STAP2: variants seen among roughly 807,000 people sequenced by gnomAD.
The protein encoded by STAP2 is signal-transducing adaptor protein 2.
In STAP2, 58 loss-of-function variants were observed where a neutral mutation model predicts 52.7. The observed-to-expected ratio is 1.10, with a 90% CI of 0.89 to 1.37. STAP2 has a LOEUF of 1.37. Ranked by LOEUF, STAP2 falls within the 40% of genes most tolerant of loss-of-function variation. The pLI is 0.00. For missense variants in STAP2, 522 were observed against 519.4 expected (o/e 1.00, Z -0.05); for synonymous variants, 231 against 210.5 (o/e 1.10, Z -0.84).
intron 9 of STAP2, 41 bp from the exon 10 acceptor site, chr19:4,325,586 C>G: frequency 1.3e-6 from 2 of 1,532,532 alleles, no homozygotes; most frequent in Non-Finnish European, 1.7e-6. Flanking sequence ...CCATGTCATA[C>G]AGGGACACCT....
At position 4,338,792 on chromosome 19, in the gene STAP2, T is replaced by G. The variant is rs1445875170; in HGVS notation, c.-39A>C. ...TCTTCCGCCTGGCCTCTCCTTCCAGTGGGTGCCCCAGCTGGGCCGGGAAGC... is the reference window on the plus strand; with the variant it reads ...TCTTCCGCCTGGCCTCTCCTTCCAGGGGGTGCCCCAGCTGGGCCGGGAAGC... On this transcript the variant is annotated 5_prime_UTR_variant, in exon 1 of 13. Transcript: ENST00000594605. 1 of 1,587,016 alleles carries G rather than the reference T, an allele frequency of 6.3e-7. No individual in the cohort carries two copies. Among genetic ancestry groups the G allele is most frequent in the Non-Finnish European group, 8.6e-7 (1 of 1,162,782 alleles).
At position 4,325,496 on chromosome 19, in the gene STAP2, G is replaced by T; in HGVS notation, c.879C>A (p.Ser293Arg). Reference sequence around the variant, plus strand: ...GGGGCAGTGGGGGCAGCTTGTCCTGGCTAGACGCAGGTGACAGCGGCTTGG... The same window carrying T: ...GGGGCAGTGGGGGCAGCTTGTCCTGTCTAGACGCAGGTGACAGCGGCTTGG... ...GGPKPLSPAS[S>R]QDKLPPLPPL... The change falls in exon 10 of 13, where the codon AGC becomes AGA. Residue 293 changes from serine (S) to arginine (R), a missense_variant. Transcript: ENST00000594605. 1.9e-6 allele frequency: 3 copies of T among 1,612,412 alleles called. No individual in the cohort carries two copies. The highest frequency in any genetic ancestry group is 1.1e-5 in the South Asian group (1 of 90,762).
chr19:4,336,442 C>G (rs933743614), intron 1 of STAP2, among the ~76,000 whole-genome samples: 3 of 151,298 alleles, frequency 2.0e-5, no homozygotes, highest in Admixed American at 6.6e-5. Flanking sequence ...CTCAGCCTCC[C>G]GAGTAGCTGG....
rs778307494 is a variant in STAP2 at position 4,330,079 on chromosome 19, GACAGTGACT to G, written c.355-27_355-19del. 5 of 1,603,882 alleles carry G rather than the reference GACAGTGACT, an allele frequency of 3.1e-6. No homozygotes were observed. Among genetic ancestry groups the G allele is most frequent in the African/African-American group, 1.3e-5 (1 of 74,734 alleles). On this transcript the variant is annotated intron_variant, in intron 4 of 12. Coordinates refer to ENST00000594605, the MANE Select transcript of STAP2 (RefSeq NM_001013841.2). ...ACACGGAGCTGAGGGGCGATCGAGGGACAGTGACTGCACCTGGCCAGCCGGGAATGGACG... is the reference window on the plus strand; with the variant it reads ...ACACGGAGCTGAGGGGCGATCGAGGGGCACCTGGCCAGCCGGGAATGGACG...
chr19:4,338,671 T>A lies in STAP2; in HGVS notation c.83A>T (p.Lys28Met). Reference sequence around the variant, plus strand: ...CCTTACCCGGTCACAGGGCCCCTTCTTCTCTAGAAAGCTCTCATAGTAGTG... The same window carrying A: ...CCTTACCCGGTCACAGGGCCCCTTCATCTCTAGAAAGCTCTCATAGTAGTG... ...PSHYYESFLE[K>M]KGPCDRDYKK... is the part of the protein sequence containing the mutation. The change falls in exon 1 of 13, where the codon AAG becomes ATG. Residue 28 changes from lysine (K) to methionine (M), a missense_variant. Transcript: ENST00000594605. 5.0e-6 allele frequency: 8 copies of A among 1,609,586 alleles called. No individual in the cohort carries two copies. The highest frequency in any genetic ancestry group is 5.9e-6 in the Non-Finnish European group (7 of 1,177,322).
rs181219344 is a variant in STAP2 at position 4,324,320 on chromosome 19, C to T, written c.1148-123G>A. Reference sequence around the variant, plus strand: ...GCCCCGTGCAACAGGACAGTGTGCTCGAAGGCATTAAGAATTTCAAGACAG... The same window carrying T: ...GCCCCGTGCAACAGGACAGTGTGCTTGAAGGCATTAAGAATTTCAAGACAG... On this transcript the variant is annotated intron_variant, in intron 12 of 12. Coordinates refer to ENST00000594605, the MANE Select transcript of STAP2 (RefSeq NM_001013841.2). 973 of 1,299,012 alleles carry T rather than the reference C, an allele frequency of 7.5e-4. 2 individuals are homozygous for T. Among genetic ancestry groups the T allele is most frequent in the Non-Finnish European group, 8.8e-4 (820 of 932,040 alleles). The allele number at this position is 1,299,012 out of a possible 1,614,324, so 80.5% of individuals were successfully genotyped here. A position where few individuals can be genotyped will look rare whatever the true frequency, so the allele number is the denominator to read the frequency against.
At chr19:4,336,082 G>C (rs1185609091) in intron 1 of STAP2, among the ~76,000 whole-genome samples, 1 of 151,756 alleles carries the variant, frequency 6.6e-6, no homozygotes, top group Non-Finnish European at 1.5e-5. Context: ...GTGCGATCTC[G>C]GCTCACTGCA....
chr19:4,335,220 C>G (rs1971963210), intron 1 of STAP2, among the ~76,000 whole-genome samples: 1 of 151,904 alleles, frequency 6.6e-6, no homozygotes, highest in Non-Finnish European at 1.5e-5. Context: ...ACTCATCCCT[C>G]CATCATCCAT....
At chr19:4,326,845 G>C (rs1344394745) in intron 9 of STAP2, 97 bp downstream of exon 9, 2 of 1,434,734 alleles carry the variant, frequency 1.4e-6, no homozygotes, top group Non-Finnish European at 1.9e-6. Context: ...GGGAACATCA[G>C]ATGCAGGAGG....
intron 4 of STAP2, among the ~76,000 whole-genome samples, chr19:4,330,452 G>A (rs1460421553): frequency 6.6e-6 from 1 of 151,610 alleles, no homozygotes; most frequent in Non-Finnish European, 1.5e-5. Context: ...AACCTGGGAA[G>A]GCGGAGGCTG....
At chr19:4,338,601 G>C in intron 1 of STAP2, 51 bp downstream of exon 1, 2 of 977,708 alleles carry the variant, frequency 2.0e-6, no homozygotes, top group Non-Finnish European at 2.9e-6. Context: ...GAGAGGTGCC[G>C]CAGCTCCCCA....
chr19:4,334,133 G>T (rs1971936992), intron 1 of STAP2, 89 bp from the exon 2 acceptor site: 2 of 1,118,370 alleles, frequency 1.8e-6, no homozygotes, highest in South Asian at 1.5e-5. Flanking sequence ...CCTTTGCACT[G>T]GTTGTGCTCT....
At chr19:4,324,815 C>T (rs1355103594) in intron 11 of STAP2, 3 of 448,716 alleles carry the variant, frequency 6.7e-6, no homozygotes, top group African/African-American at 6.0e-5. Context: ...CAGAGTGAGA[C>T]TCCATCTCAA....
At chr19:4,325,131 T>A (rs549913241) in intron 11 of STAP2, 85 bp downstream of exon 11, 2 of 1,162,428 alleles carry the variant, frequency 1.7e-6, no homozygotes, top group Non-Finnish European at 2.4e-6. Flanking sequence ...AGAGTGAGAC[T>A]GTCTCAAAAA....
At chr19:4,328,598 T>A in intron 6 of STAP2, 77 bp downstream of exon 6, 2 of 1,525,486 alleles carry the variant, frequency 1.3e-6, no homozygotes, top group East Asian at 2.5e-5. Context: ...ACTCCGCCCC[T>A]GCTTCTGACC....
chr19:4,338,604 G>T, intron 1 of STAP2, 48 bp downstream of exon 1: 1 of 1,100,058 alleles, frequency 9.1e-7, no homozygotes, highest in Non-Finnish European at 1.2e-6. Flanking sequence ...AGGTGCCGCA[G>T]CTCCCCACGG....
At chr19:4,338,419 G>T (rs55755394) in intron 1 of STAP2, among the ~76,000 whole-genome samples, 2 of 152,022 alleles carry the variant, frequency 1.3e-5, no homozygotes, top group Admixed American at 6.6e-5. Context: ...AGAGACAGAC[G>T]GGGCCAGGGA....
chr19:4,327,646 C>A (rs945581857), intron 6 of STAP2, among the ~76,000 whole-genome samples: 3 of 152,132 alleles, frequency 2.0e-5, no homozygotes, highest in Non-Finnish European at 4.4e-5. Context: ...ACAGAAGACC[C>A]CACCTCTAGT....
intron 1 of STAP2, among the ~76,000 whole-genome samples, chr19:4,334,798 CCATCCCTCCAT>C (rs1568388555): frequency 2.1e-4 from 32 of 149,018 alleles, no homozygotes; most frequent in Middle Eastern, 3.4e-3. Context: ...ACCCATCCAT[CCATCCCTCCAT>C]CATCCATCCA....
Sources: gnomAD v4.1 joint callset for allele counts (sites outside exome capture counted in the v4.1 genomes callset) on GRCh38, gnomAD v4.1.1 for gene constraint, MANE v1.5 for transcripts, NCBI Gene and HGNC (gene_info 2026-07-23, HGNC 2026-07-21) for gene names.